The following CMIP variants were observed in gnomAD, a reference collection of about 807,000 sequenced individuals.
CMIP encodes C-Maf-inducing protein.
A neutral mutation model predicts 97.3 loss-of-function variants in CMIP; 13 were observed. That is an observed-to-expected ratio of 0.13 (90% CI 0.09 to 0.21). CMIP has a LOEUF of 0.21. Ranked by LOEUF, CMIP falls within the 10% of genes least tolerant of loss-of-function variation. The pLI is 1.00. For synonymous variants in CMIP, 538 were observed against 436.3 expected (o/e 1.23, Z -2.91); for missense variants, 847 against 1,024.9 (o/e 0.83, Z 2.37).
At chr16:81,644,444 T>G (rs16955713) in intron 3 of CMIP, among the ~76,000 whole-genome samples, 54,202 of 151,798 alleles carry the variant, frequency 0.36, 11,420 homozygotes, top group Non-Finnish European at 0.47. Context: ...TATGAGCGGG[T>G]TTTAGGTTGA....
At chr16:81,623,889 G>A (rs1469918287) in intron 3 of CMIP, among the ~76,000 whole-genome samples, 2 of 152,144 alleles carry the variant, frequency 1.3e-5, no homozygotes, top group East Asian at 3.8e-4. Context: ...GAGAGATCAA[G>A]TGACTTGCCT....
intron 1 of CMIP, among the ~76,000 whole-genome samples, chr16:81,577,613 A>G (rs112588985): frequency 0.031 from 4,441 of 144,794 alleles, 181 homozygotes; most frequent in African/African-American, 0.11. Context: ...CCACTACATT[A>G]TTATCACTAT....
chr16:81,701,710 A>G lies in CMIP; in HGVS notation c.1806A>G (p.Gln602=), dbSNP rs770656984. ...ACATCATCGACAACAACGACACCCA[A>G]CTGCAGATCATCTCAACCCTGGAGA... The part of the protein sequence containing the change: ...EYNIIDNNDT[Q]LQIISTLEST... The change falls in exon 16 of 21, where the codon CAA becomes CAG. Residue 602 remains glutamine, a synonymous_variant. Coordinates refer to ENST00000537098, the MANE Select transcript of CMIP (RefSeq NM_198390.3). 14 of 1,613,786 alleles carry G rather than the reference A, an allele frequency of 8.7e-6. No homozygotes were observed. In the African/African-American group the frequency reaches 9.3e-5, roughly 11 times the overall value.
chr16:81,472,746 G>C (rs1332656195), intron 1 of CMIP, among the ~76,000 whole-genome samples: 1 of 152,236 alleles, frequency 6.6e-6, no homozygotes, highest in African/African-American at 2.4e-5. Flanking sequence ...ATCCTGTGCA[G>C]ATGTGGAGAG....
chr16:81,641,036 G>A (rs1199373156), intron 3 of CMIP, among the ~76,000 whole-genome samples: 1 of 152,038 alleles, frequency 6.6e-6, no homozygotes, highest in Admixed American at 6.6e-5. Flanking sequence ...AGGCTTGTGG[G>A]TGAGAACCTT....
chr16:81,473,187 T>C (rs1907664310), intron 1 of CMIP, among the ~76,000 whole-genome samples: 1 of 152,258 alleles, frequency 6.6e-6, no homozygotes, highest in African/African-American at 2.4e-5. Flanking sequence ...CTGCAAGTGC[T>C]TATGTCGGCC....
intron 1 of CMIP, among the ~76,000 whole-genome samples, chr16:81,497,988 T>A (rs1211234544): frequency 6.6e-6 from 1 of 152,262 alleles, no homozygotes; most frequent in African/African-American, 2.4e-5. Flanking sequence ...TTCCGGGCAC[T>A]AAGTTTCGGT....
rs1020260508 is a variant in CMIP at position 81,701,901 on chromosome 16, A to G, written c.1896+101A>G. 19 of 1,411,094 alleles carry G rather than the reference A, an allele frequency of 1.3e-5. No homozygotes were observed. The African/African-American group carries it at 1.8e-4, about 14-fold the overall frequency. The allele number at this position is 1,411,094 out of a possible 1,614,324, so 87.4% of individuals were successfully genotyped here. ...AGTACTTGGACCTGAGTGGACCTCA[A>G]TCTCGTTGAATTCTCCTCCAAACCC... On this transcript the variant is annotated intron_variant, in intron 16 of 20. Coordinates refer to ENST00000537098, the MANE Select transcript of CMIP (RefSeq NM_198390.3).
intron 13 of CMIP, among the ~76,000 whole-genome samples, chr16:81,694,674 T>A (rs1165291579): frequency 1.3e-5 from 2 of 152,200 alleles, no homozygotes; most frequent in Non-Finnish European, 2.9e-5. Flanking sequence ...CCCTTCCCGG[T>A]TCCAGCTCAC....
chr16:81,577,844 A>G lies in CMIP; in HGVS notation c.301-29723A>G, dbSNP rs533197908. Among the ~76,000 whole-genome samples, 26 of 144,902 alleles carry G rather than the reference A, an allele frequency of 1.8e-4. 1 individual carries two copies. Among genetic ancestry groups the G allele is most frequent in the African/African-American group, 6.4e-4 (23 of 35,708 alleles). ...CCACTACGCTATTATCACTGTCACCATCACCATCATCACCATCACCTTCAT... is the reference window on the plus strand; with the variant it reads ...CCACTACGCTATTATCACTGTCACCGTCACCATCATCACCATCACCTTCAT... On this transcript the variant is annotated intron_variant, in intron 1 of 20. Coordinates refer to ENST00000537098, the MANE Select transcript of CMIP (RefSeq NM_198390.3).
chr16:81,670,068 C>T (rs2092667134), intron 7 of CMIP, 74 bp from the exon 8 acceptor site: 2 of 1,424,694 alleles, frequency 1.4e-6, no homozygotes, highest in Non-Finnish European at 9.6e-7. Flanking sequence ...GCCCTTCTTT[C>T]TGGTGTCCTG....
intron 1 of CMIP, among the ~76,000 whole-genome samples, chr16:81,554,064 T>C (rs905500174): frequency 1.3e-5 from 2 of 152,236 alleles, no homozygotes; most frequent in African/African-American, 4.8e-5. Flanking sequence ...CCTCTGTACT[T>C]TCCATTTAAG....
Position 81,660,911 on chromosome 16 carries a change from C to A in CMIP, c.709C>A (p.His237Asn). Residue 237 changes from histidine to asparagine, a missense_variant, in exon 6 of 21, where the codon CAC becomes AAC. Physicochemically the swap from His to Asn is moderately conservative, Grantham distance 68. Around this residue, in one of 4 missense-constraint regions of CMIP, gnomAD observed 285 missense variants for 392.2 expected, o/e 0.73. Coordinates refer to ENST00000537098, the MANE Select transcript of CMIP (RefSeq NM_198390.3). ...AATCGCTCCTTTGCTGGAAAACAAC[C>A]ACCCACCACCAGATCTCTGTGAATT... is the stretch of plus-strand genomic sequence containing the variant. ...VAIAPLLENNHPPPDLCEFFC... is the reference protein window; with the variant it reads ...VAIAPLLENNNPPPDLCEFFC... 6.2e-7 allele frequency: 1 copy of A among 1,613,972 alleles called. No individual in the cohort carries two copies. Among genetic ancestry groups the A allele is most frequent in the Non-Finnish European group, 8.5e-7 (1 of 1,179,898 alleles).
intron 1 of CMIP, among the ~76,000 whole-genome samples, chr16:81,534,797 G>C (rs990247902): frequency 1.3e-4 from 20 of 152,150 alleles, no homozygotes; most frequent in Non-Finnish European, 2.8e-4. Flanking sequence ...TCACTCAATA[G>C]TGTGCCCTTT....
chr16:81,559,323 A>T (rs1229507744), intron 1 of CMIP, among the ~76,000 whole-genome samples: 2 of 152,152 alleles, frequency 1.3e-5, no homozygotes, highest in Non-Finnish European at 2.9e-5. Flanking sequence ...GTGGTCACTT[A>T]TTTCATGCTG....
At chr16:81,502,617 A>T (rs1448547309) in intron 1 of CMIP, among the ~76,000 whole-genome samples, 1 of 152,246 alleles carries the variant, frequency 6.6e-6, no homozygotes, top group African/African-American at 2.4e-5. Flanking sequence ...AAAAGAAGAC[A>T]GCCAGCAGGC....
chr16:81,693,345 G>T, intron 12 of CMIP, 94 bp from the exon 13 acceptor site: 2 of 1,523,262 alleles, frequency 1.3e-6, no homozygotes. Flanking sequence ...CAGCTCCCTG[G>T]CCCGTTCTTC....
chr16:81,445,342 A>G lies in CMIP; in HGVS notation c.101A>G (p.Lys34Arg), dbSNP rs767359726. Residue 34 changes from lysine to arginine, a missense_variant, in exon 1 of 21, where the codon AAG becomes AGG. Lys to Arg is a conservative substitution (Grantham distance 26). Transcript: ENST00000537098. ...GACGTGTCGGCCCCCGAAGGCACGA[A>G]GATGGGCGCCGTGCCCTGCCGCCGG... ...GGDVSAPEGT[K>R]MGAVPCRRAL... The G allele has an allele frequency of 6.3e-7, 1 of 1,598,746 alleles. No homozygotes were observed. The highest frequency in any genetic ancestry group is 8.5e-7 in the Non-Finnish European group (1 of 1,173,408).
At chr16:81,651,486 G>A (rs186974756) in intron 3 of CMIP, 86 of 558,002 alleles carry the variant, frequency 1.5e-4, no homozygotes, top group African/African-American at 1.5e-3. Context: ...TGGATTTCCC[G>A]GGGGAGCATT....
Sources: allele counts gnomAD v4.1 joint callset (sites outside exome capture counted in the v4.1 genomes callset), GRCh38; gene constraint gnomAD v4.1.1; regional missense constraint gnomAD v4.1.1; transcripts MANE v1.5; gene names NCBI Gene and HGNC (gene_info 2026-07-23, HGNC 2026-07-21).